Variants in MINDY2 observed in about 807,000 individuals in gnomAD.
MINDY2 encodes the protein MINDY lysine 48 deubiquitinase 2, also known as ubiquitin carboxyl-terminal hydrolase MINDY-2.
MINDY2 carries 52 observed loss-of-function variants against 68.2 expected under a neutral mutation model. That is an observed-to-expected ratio of 0.76 (90% CI 0.61 to 0.96). The LOEUF (loss-of-function observed/expected upper bound fraction) is 0.96, where lower values mean the gene tolerates loss of function less well. Among genes scored for constraint, MINDY2 ranks in the 40% least tolerant of loss-of-function variants. MINDY2 has a pLI of 0.00. For missense variants in MINDY2, 881 were observed against 773.4 expected, an observed-to-expected ratio of 1.14 and a Z score of -1.65; for synonymous variants, 372 against 303.0, an observed-to-expected ratio of 1.23 and a Z score of -2.36.
intron 6 of MINDY2, among the ~76,000 whole-genome samples, chr15:58,845,594 G>A (rs1595779116): frequency 2.0e-5 from 3 of 152,318 alleles, no homozygotes; most frequent in East Asian, 1.9e-4. Flanking sequence ...ATACACTGTT[G>A]ATGGGAATAT....
At chr15:58,839,843 T>C (rs2032190811) in intron 6 of MINDY2, among the ~76,000 whole-genome samples, 1 of 151,444 alleles carries the variant, frequency 6.6e-6, no homozygotes, top group African/African-American at 2.4e-5. Flanking sequence ...TTTTTTTTTT[T>C]TCTTTTTGGG....
In MINDY2 at chr15:58,857,830, A is replaced by C. The variant is rs1476815376; in HGVS notation, c.*3220A>C. On this transcript the variant is annotated 3_prime_UTR_variant, in exon 9 of 9. Transcript: ENST00000559228. ...GATTTGAAAATAGGCAGATGAATGA[A>C]CAAATATGGTCATTGCACTTTCCTT... is the stretch of plus-strand genomic sequence containing the variant. 1 of 152,248 alleles carries C rather than the reference A, an allele frequency of 6.6e-6. No individual in the cohort carries two copies. Among genetic ancestry groups the C allele is most frequent in the Non-Finnish European group, 1.5e-5 (1 of 68,034 alleles). 9.4% of individuals were successfully genotyped at this position (152,248 alleles called of 1,614,324 possible).
At chr15:58,807,353 CTTTTTTT>C (rs58768604) in intron 3 of MINDY2, among the ~76,000 whole-genome samples, 1 of 109,056 alleles carries the variant, frequency 9.2e-6, no homozygotes, top group South Asian at 3.0e-4. Flanking sequence ...TTAAAATAGT[CTTTTTTT>C]TTTTTTTTTT....
chr15:58,774,067 G>C (rs1402698511), intron 1 of MINDY2, among the ~76,000 whole-genome samples: 12 of 152,144 alleles, frequency 7.9e-5, no homozygotes, highest in African/African-American at 2.9e-4. Context: ...TCAGAGGAAA[G>C]GGCAAGTACT....
intron 4 of MINDY2, among the ~76,000 whole-genome samples, chr15:58,811,761 G>C (rs182018323): frequency 1.5e-3 from 230 of 152,294 alleles, no homozygotes; most frequent in African/African-American, 5.2e-3. Flanking sequence ...TCCAGTTGCT[G>C]CAGTCCATAG....
At chr15:58,849,689 T>G (rs2032718501) in intron 7 of MINDY2, among the ~76,000 whole-genome samples, 1 of 152,200 alleles carries the variant, frequency 6.6e-6, no homozygotes. Flanking sequence ...TCTTTATATC[T>G]TTATATCCAT....
chr15:58,836,971 T>C lies in MINDY2; in HGVS notation c.1368+5055T>C, dbSNP rs147601666. ...AAGCACGTCTTCTTCACTGACCCAG[T>C]GACAGATTACCTGATTTACAACAGA... is the stretch of plus-strand genomic sequence containing the variant. On this transcript the variant is annotated intron_variant, in intron 6 of 8. Coordinates refer to ENST00000559228, the MANE Select transcript of MINDY2 (RefSeq NM_001040450.3). Among the ~76,000 whole-genome samples, 600 of 152,290 alleles carry C rather than the reference T, an allele frequency of 3.9e-3. 3 individuals are homozygous for C. Among genetic ancestry groups the C allele is most frequent in the African/African-American group, 0.014 (588 of 41,548 alleles).
At chr15:58,804,595 C>T (rs756093635) in intron 3 of MINDY2, among the ~76,000 whole-genome samples, 1 of 152,076 alleles carries the variant, frequency 6.6e-6, no homozygotes, top group Non-Finnish European at 1.5e-5. Flanking sequence ...ATTGCTTGAG[C>T]CCAGTAGTGA....
intron 6 of MINDY2, among the ~76,000 whole-genome samples, chr15:58,834,658 T>C (rs1436786888): frequency 6.6e-6 from 1 of 152,224 alleles, no homozygotes; most frequent in African/African-American, 2.4e-5. Flanking sequence ...TTAGCCCTTA[T>C]TGGTTAATAC....
chr15:58,804,933 A>G (rs555432047), intron 3 of MINDY2, among the ~76,000 whole-genome samples: 3 of 152,168 alleles, frequency 2.0e-5, no homozygotes, highest in Non-Finnish European at 2.9e-5. Flanking sequence ...TTCAAGACCA[A>G]TCCGGGTGTG....
intron 3 of MINDY2, among the ~76,000 whole-genome samples, chr15:58,807,217 C>G (rs1903076297): frequency 6.6e-6 from 1 of 151,960 alleles, no homozygotes; most frequent in Non-Finnish European, 1.5e-5. Flanking sequence ...TGTACAGTGT[C>G]TGATTAGCAG....
chr15:58,815,304 TTAAAATAAG>T (rs1198843105), intron 4 of MINDY2: 1 of 152,204 alleles, frequency 6.6e-6, no homozygotes, highest in East Asian at 1.9e-4. Context: ...TCCAGTTTAA[TTAAAATAAG>T]ATTTAAAACT....
At chr15:58,845,856 A>G (rs748816856) in intron 6 of MINDY2, among the ~76,000 whole-genome samples, 3 of 152,248 alleles carry the variant, frequency 2.0e-5, no homozygotes, top group Non-Finnish European at 2.9e-5. Flanking sequence ...ACGGAGCACT[A>G]TTCACACACA....
intron 2 of MINDY2, among the ~76,000 whole-genome samples, chr15:58,801,708 C>T (rs947398568): frequency 5.3e-5 from 8 of 152,074 alleles, no homozygotes; most frequent in Non-Finnish European, 8.8e-5. Flanking sequence ...GGCGCGATCT[C>T]GGCTCACTGC....
rs930989429 is a variant in MINDY2 at position 58,798,358 on chromosome 15, C to T, written c.899-3955C>T. 6.9e-4 allele frequency among the ~76,000 whole-genome samples: 104 copies of T among 150,998 alleles called. 2 individuals carry two copies. Among genetic ancestry groups the T allele is most frequent in the Non-Finnish European group, 3.2e-4 (22 of 67,836 alleles). ...GCCAGGCTGATCTCGAACTCCTGAC[C>T]TCGTGATCCACCCACCTTACACTCT... On this transcript the variant is annotated intron_variant, in intron 2 of 8. Transcript: ENST00000559228.
At chr15:58,819,115 T>C (rs2030893791) in intron 4 of MINDY2, among the ~76,000 whole-genome samples, 1 of 152,182 alleles carries the variant, frequency 6.6e-6, no homozygotes, top group African/African-American at 2.4e-5. Flanking sequence ...TAGCTGGGAC[T>C]ATGGACGTGC....
At chr15:58,811,678 C>G (rs1237944204) in intron 4 of MINDY2, among the ~76,000 whole-genome samples, 1 of 152,198 alleles carries the variant, frequency 6.6e-6, no homozygotes, top group Non-Finnish European at 1.5e-5. Context: ...AATACATTCT[C>G]TGACTCCCAC....
Position 58,787,933 on chromosome 15 carries a change from A to G in MINDY2, c.868A>G (p.Ile290Val), listed in dbSNP as rs749491844. The G allele has an allele frequency of 8.1e-6, 13 of 1,598,202 alleles. No individual in the cohort carries two copies. Among genetic ancestry groups the G allele is most frequent in the African/African-American group, 2.7e-5 (2 of 74,284 alleles). The change falls in exon 2 of 9, where the codon ATA becomes GTA. Residue 290 changes from isoleucine to valine, a missense_variant. By Grantham distance (29) the Ile-to-Val change is conservative. Coordinates refer to ENST00000559228, the MANE Select transcript of MINDY2 (RefSeq NM_001040450.3). ...GAAACTTCCACCGATGATGGAAATCATAACTGCTGAGCAGCTGATGGAATA... is the reference window on the plus strand; with the variant it reads ...GAAACTTCCACCGATGATGGAAATCGTAACTGCTGAGCAGCTGATGGAATA... ...KVKLPPMMEIITAEQLMEYLG... is the reference protein window; with the variant it reads ...KVKLPPMMEIVTAEQLMEYLG...
intron 2 of MINDY2, among the ~76,000 whole-genome samples, chr15:58,794,621 G>A (rs1033910449): frequency 1.3e-5 from 2 of 152,150 alleles, no homozygotes; most frequent in South Asian, 2.1e-4. Flanking sequence ...AGGAGTTTAG[G>A]GAGGAAGTGG....
Sources: gnomAD v4.1 joint callset for allele counts (sites outside exome capture counted in the v4.1 genomes callset) on GRCh38, gnomAD v4.1.1 for gene constraint, MANE v1.5 for transcripts, NCBI Gene and HGNC (gene_info 2026-07-23, HGNC 2026-07-21) for gene names.